Variants in GHR observed in about 807,000 individuals in gnomAD.
GHR encodes GH receptor.
In GHR, 35 loss-of-function variants were observed where a neutral mutation model predicts 67.1. The observed-to-expected ratio is 0.52, with a 90% confidence interval of 0.40 to 0.69. The LOEUF is 0.69. Among genes scored for constraint, GHR ranks in the 30% least tolerant of loss-of-function variants. The pLI is 0.00. For missense variants in GHR, 792 were observed against 764.6 expected (o/e 1.04, Z -0.42); for synonymous variants, 272 against 269.1 (o/e 1.01, Z -0.10).
chr5:42,431,161 T>C (rs966292107), intron 1 of GHR, among the ~76,000 whole-genome samples: 2 of 152,190 alleles, frequency 1.3e-5, no homozygotes, highest in Non-Finnish European at 2.9e-5. Context: ...TTGCCTATTT[T>C]ATTCTCTCAT....
intron 1 of GHR, among the ~76,000 whole-genome samples, chr5:42,558,682 G>A (rs964846480): frequency 9.9e-5 from 15 of 152,270 alleles, no homozygotes; most frequent in African/African-American, 3.6e-4. Context: ...AGAGCAATAG[G>A]CTATCCCATA....
At chr5:42,463,732 G>C (rs1744587637) in intron 1 of GHR, among the ~76,000 whole-genome samples, 1 of 152,012 alleles carries the variant, frequency 6.6e-6, no homozygotes. Flanking sequence ...GGTGGCTCAC[G>C]CCTGTAATCC....
chr5:42,473,333 C>T (rs1745091759), intron 1 of GHR, among the ~76,000 whole-genome samples: 1 of 152,106 alleles, frequency 6.6e-6, no homozygotes, highest in African/African-American at 2.4e-5. Context: ...CAGGTTCAAA[C>T]AATTCTCTTG....
At chr5:42,640,380 A>G (rs1344304344) in intron 3 of GHR, among the ~76,000 whole-genome samples, 1 of 152,194 alleles carries the variant, frequency 6.6e-6, no homozygotes, top group Non-Finnish European at 1.5e-5. Context: ...GAGTAGGAAC[A>G]TAGAAAAGTT....
intron 5 of GHR, among the ~76,000 whole-genome samples, chr5:42,697,062 A>G (rs924815807): frequency 7.2e-5 from 11 of 152,244 alleles, no homozygotes; most frequent in African/African-American, 2.7e-4. Context: ...GTAAAAGATT[A>G]TGACAGGTAG....
chr5:42,634,932 A>G (rs1284448905), intron 3 of GHR, among the ~76,000 whole-genome samples: 1 of 152,094 alleles, frequency 6.6e-6, no homozygotes, highest in East Asian at 1.9e-4. Flanking sequence ...TAAATTAAGT[A>G]TAACATAAGG....
intron 3 of GHR, among the ~76,000 whole-genome samples, chr5:42,656,459 G>A (rs1472492633): frequency 6.6e-6 from 1 of 152,032 alleles, no homozygotes; most frequent in East Asian, 1.9e-4. Flanking sequence ...TTTCTGTCCT[G>A]TGAATCCTGA....
In GHR at chr5:42,500,245, GT is replaced by G. The variant is rs374747634; in HGVS notation, c.-11-65617del. On this transcript the variant is annotated intron_variant, in intron 1 of 9. Transcript: ENST00000230882. ...CCAGCTGTAGACAGTGGGCCCAGAA[GT>G]TATCAGTGTTACATGAGCAAAACAA... Among the ~76,000 whole-genome samples, 22 of 152,314 alleles carry G rather than the reference GT, an allele frequency of 1.4e-4. No individual in the cohort carries two copies. In the South Asian group the frequency reaches 4.6e-3, roughly 32 times the overall value.
At chr5:42,514,306 A>T (rs1367274352) in intron 1 of GHR, 1 of 981,800 alleles carries the variant, frequency 1.0e-6, no homozygotes, top group Non-Finnish European at 1.2e-6. Flanking sequence ...CATATTGGGA[A>T]GATAAATTCA....
chr5:42,690,182 A>G (rs1009326805), intron 4 of GHR, among the ~76,000 whole-genome samples: 3 of 152,230 alleles, frequency 2.0e-5, no homozygotes, highest in African/African-American at 4.8e-5. Flanking sequence ...AGAGGATGAC[A>G]TTGTCTATCC....
intron 1 of GHR, among the ~76,000 whole-genome samples, chr5:42,434,023 T>C (rs1054387745): frequency 6.6e-6 from 1 of 152,280 alleles, no homozygotes; most frequent in Non-Finnish European, 1.5e-5. Flanking sequence ...TTCAGCACAT[T>C]TATCTTTTCT....
rs35457239 is a variant in GHR, at chr5:42,584,786, T to TACAC, written c.70+18869_70+18872dup. On this transcript the variant is annotated intron_variant, in intron 2 of 9. Transcript: ENST00000230882. Reference sequence around the variant, plus strand: ...TATTCAGCTTCTTAACTAGAATGTATACACACACACACACACACACACACA... The same window carrying TACAC: ...TATTCAGCTTCTTAACTAGAATGTATACACACACACACACACACACACACACACA... 3.0e-3 allele frequency among the ~76,000 whole-genome samples: 440 copies of TACAC among 148,146 alleles called. 6 individuals carry two copies. In the South Asian group the frequency reaches 0.046, roughly 16 times the overall value.
chr5:42,661,380 A>T lies in GHR; in HGVS notation c.137-27510A>T, dbSNP rs144227685. ...AAAGGTCGGGTTACCCAGAAAGGGAAGCCCATCAGTCTAACAGCTAATCTC... is the reference window on the plus strand; with the variant it reads ...AAAGGTCGGGTTACCCAGAAAGGGATGCCCATCAGTCTAACAGCTAATCTC... On this transcript the variant is annotated intron_variant, in intron 3 of 9. Transcript: ENST00000230882. Among the ~76,000 whole-genome samples the T allele has an allele frequency of 5.5e-4, 84 of 152,366 alleles. No individual in the cohort carries two copies. The East Asian group carries it at 0.015, about 28-fold the overall frequency.
chr5:42,657,749 A>G (rs2112848350), intron 3 of GHR, among the ~76,000 whole-genome samples: 1 of 152,196 alleles, frequency 6.6e-6, no homozygotes, highest in African/African-American at 2.4e-5. Flanking sequence ...CCCTTTCCTT[A>G]TGAAGTTTTA....
At chr5:42,482,980 A>G (rs1034287731) in intron 1 of GHR, among the ~76,000 whole-genome samples, 10 of 152,124 alleles carry the variant, frequency 6.6e-5, no homozygotes, top group Admixed American at 5.2e-4. Flanking sequence ...CACTTATGCT[A>G]GGAGCTGTAG....
intron 2 of GHR, among the ~76,000 whole-genome samples, chr5:42,588,302 G>A (rs1029930549): frequency 1.3e-5 from 2 of 151,800 alleles, no homozygotes; most frequent in African/African-American, 2.4e-5. Flanking sequence ...GGCAGATCAC[G>A]AGATCAGGAG....
intron 2 of GHR, among the ~76,000 whole-genome samples, chr5:42,620,033 G>A (rs548738955): frequency 2.8e-4 from 43 of 152,226 alleles, no homozygotes; most frequent in Non-Finnish European, 5.4e-4. Flanking sequence ...ATGCATTCAC[G>A]CGGGTGACAG....
intron 1 of GHR, among the ~76,000 whole-genome samples, chr5:42,427,305 A>G (rs750879633): frequency 6.6e-6 from 1 of 152,224 alleles, no homozygotes. Flanking sequence ...GGGAGGCCTC[A>G]CAATCATGGC....
chr5:42,612,650 CAA>C (rs1752946425), intron 2 of GHR, among the ~76,000 whole-genome samples: 1 of 152,018 alleles, frequency 6.6e-6, no homozygotes, highest in Non-Finnish European at 1.5e-5. Context: ...TTCTCAGAAA[CAA>C]AGAGTATAAA....
Sources: gnomAD v4.1 joint callset for allele counts (sites outside exome capture counted in the v4.1 genomes callset) on GRCh38, gnomAD v4.1.1 for gene constraint, MANE v1.5 for transcripts, NCBI Gene and HGNC (gene_info 2026-07-23, HGNC 2026-07-21) for gene names.